TESMIN: variants seen among roughly 807,000 people sequenced by gnomAD.
The protein encoded by TESMIN is testis expressed metallothionein like protein, also known as CXC domain containing 2.
TESMIN carries 34 observed loss-of-function variants against 47.4 expected under a neutral mutation model. That is an observed-to-expected ratio of 0.72 (90% confidence interval 0.55 to 0.96). The LOEUF is 0.96. TESMIN is among the 40% of genes least tolerant of loss of function. The pLI is 0.00. For missense variants in TESMIN, 610 were observed against 637.2 expected, an observed-to-expected ratio of 0.96 and a Z score of 0.46; for synonymous variants, 278 against 258.9, an observed-to-expected ratio of 1.07 and a Z score of -0.71.
At position 68,716,928 on chromosome 11, in the gene TESMIN, G is replaced by A. The variant is rs76630891; in HGVS notation, c.918-989C>T. 2.7e-4 allele frequency among the ~76,000 whole-genome samples: 41 copies of A among 152,288 alleles called. No homozygotes were observed. In the East Asian group the frequency reaches 5.8e-3, roughly 22 times the overall value. ...GTTCATCGAAAAGAGCTTCCAACTC[G>A]TTTTCCACATCGGCTCTGCCGCCTT... is the stretch of plus-strand genomic sequence containing the variant. On this transcript the variant is annotated intron_variant, in intron 6 of 9. Coordinates refer to ENST00000255087, the MANE Select transcript of TESMIN (RefSeq NM_004923.3).
At chr11:68,717,160 A>G (rs1434570132) in intron 6 of TESMIN, among the ~76,000 whole-genome samples, 1 of 152,252 alleles carries the variant, frequency 6.6e-6, no homozygotes. Flanking sequence ...TTTCATAATT[A>G]TTATTTTCAT....
At chr11:68,751,049 G>A (rs1326920502) in intron 1 of TESMIN, among the ~76,000 whole-genome samples, 2 of 107,776 alleles carry the variant, frequency 1.9e-5, no homozygotes, top group African/African-American at 7.2e-5. Flanking sequence ...GGGGCGACCA[G>A]GGGAGGGGCG....
At chr11:68,734,429 G>T (rs2153991980) in intron 6 of TESMIN, among the ~76,000 whole-genome samples, 1 of 152,332 alleles carries the variant, frequency 6.6e-6, no homozygotes, top group East Asian at 1.9e-4. Context: ...TCACCAAGGA[G>T]CTCAGAACAT....
intron 5 of TESMIN, 38 bp from the exon 6 acceptor site, chr11:68,738,826 A>C (rs1452259676): frequency 6.4e-6 from 10 of 1,563,852 alleles, no homozygotes; most frequent in Non-Finnish European, 8.8e-6. Flanking sequence ...TTGAATTAGC[A>C]AGGATTTTTA....
intron 5 of TESMIN, 52 bp downstream of exon 5, chr11:68,742,266 T>G: frequency 8.9e-7 from 1 of 1,120,618 alleles, no homozygotes; most frequent in African/African-American, 1.6e-5. Flanking sequence ...AATCAAAATT[T>G]TAAGAGACAA....
intron 5 of TESMIN, among the ~76,000 whole-genome samples, chr11:68,739,737 G>T (rs372833300): frequency 7.9e-5 from 12 of 152,100 alleles, no homozygotes; most frequent in East Asian, 7.7e-4. Context: ...TTCTTCCCGG[G>T]AAACCCCTTC....
chr11:68,750,310 C>T lies in TESMIN; in HGVS notation c.351G>A (p.Pro117=). 6.6e-7 allele frequency: 1 copy of T among 1,524,030 alleles called. No individual in the cohort carries two copies. Among genetic ancestry groups the T allele is most frequent in the South Asian group, 1.3e-5 (1 of 79,312 alleles). The allele number at this position is 1,524,030 out of a possible 1,614,324, so 94.4% of individuals were successfully genotyped here. ...EDVALLQAPQ[P]PACNVHFLSS... ...ACAGGAAGTGCACGTTGCAGGCGGG[C>T]GGCTGCGGGGCCTGCAGGAGCGCGA... Residue 117 remains proline, a synonymous_variant, in exon 2 of 10, where the codon CCG becomes CCA. Coordinates refer to ENST00000255087, the MANE Select transcript of TESMIN (RefSeq NM_004923.3).
At chr11:68,729,280 C>T (rs1289500498) in intron 6 of TESMIN, among the ~76,000 whole-genome samples, 5 of 152,038 alleles carry the variant, frequency 3.3e-5, no homozygotes, top group African/African-American at 1.2e-4. Flanking sequence ...AATCCCAGTA[C>T]TTTGGGAGGC....
At chr11:68,738,678 A>G in intron 6 of TESMIN, 22 bp downstream of exon 6, 3 of 1,613,320 alleles carry the variant, frequency 1.9e-6, no homozygotes, top group East Asian at 2.2e-5. Flanking sequence ...TAGAGTGACA[A>G]TGTATTGCTT....
At chr11:68,748,463 A>G (rs1946548836) in intron 2 of TESMIN, among the ~76,000 whole-genome samples, 1 of 152,240 alleles carries the variant, frequency 6.6e-6, no homozygotes, top group African/African-American at 2.4e-5. Context: ...TTTAGATTTA[A>G]CTTATCTCCC....
At position 68,715,926 on chromosome 11, in the gene TESMIN, A is replaced by G. The variant is rs1946132868; in HGVS notation, c.931T>C (p.Phe311Leu). 4 of 1,610,150 alleles carry G rather than the reference A, an allele frequency of 2.5e-6. No individual in the cohort carries two copies. In the African/African-American group the frequency reaches 4.0e-5, roughly 16 times the overall value. Residue 311 changes from phenylalanine (F) to leucine (L), a missense_variant, in exon 7 of 10, where the codon TTT (phenylalanine) becomes CTT (leucine). Coordinates refer to ENST00000255087, the MANE Select transcript of TESMIN (RefSeq NM_004923.3). Reference protein sequence around the residue: ...KITLAGYCDCFASGDFCNNCN... With the variant: ...KITLAGYCDCLASGDFCNNCN... ...TTGTTGCAAAAGTCCCCACTGGCAA[A>G]GCAGTCACAGTACCTGTGAAGGAAA...
At chr11:68,710,785 A>G in intron 9 of TESMIN, 89 bp downstream of exon 9, 2 of 1,301,342 alleles carry the variant, frequency 1.5e-6, no homozygotes, top group South Asian at 3.0e-5. Flanking sequence ...AGGCTCACAC[A>G]TTCTTTCCAG....
At chr11:68,719,664 G>C (rs1243532461) in intron 6 of TESMIN, among the ~76,000 whole-genome samples, 7 of 152,220 alleles carry the variant, frequency 4.6e-5, no homozygotes, top group African/African-American at 1.7e-4. Context: ...GTTTTGTCAT[G>C]AGCCTGGTAC....
chr11:68,715,829 T>C lies in TESMIN; in HGVS notation c.1020+8A>G. On this transcript the variant is annotated splice_region_variant and intron_variant, in intron 7 of 9. Transcript: ENST00000255087. Reference sequence around the variant, plus strand: ...TTAAAATGCATACATTTAATGGACATTTATTACCTTAATGGCTTTAAACCG... The same window carrying C: ...TTAAAATGCATACATTTAATGGACACTTATTACCTTAATGGCTTTAAACCG... 1 of 1,551,038 alleles carries C rather than the reference T, an allele frequency of 6.4e-7. No homozygotes were observed. Among genetic ancestry groups the C allele is most frequent in the Non-Finnish European group, 8.9e-7 (1 of 1,123,470 alleles).
intron 6 of TESMIN, among the ~76,000 whole-genome samples, chr11:68,724,627 C>T (rs1946240534): frequency 6.6e-6 from 1 of 152,248 alleles, no homozygotes; most frequent in Middle Eastern, 3.4e-3. Flanking sequence ...GTGCACTTGC[C>T]CTCCTGTTTT....
chr11:68,748,822 G>T (rs1286165294), intron 2 of TESMIN, among the ~76,000 whole-genome samples: 1 of 152,130 alleles, frequency 6.6e-6, no homozygotes, highest in Non-Finnish European at 1.5e-5. Flanking sequence ...TAACATCAGA[G>T]AATTCTCTTG....
Position 68,747,280 on chromosome 11 carries a change from A to G in TESMIN, c.558T>C (p.Cys186=). The change falls in exon 3 of 10, where the codon TGT becomes TGC. Residue 186 remains cysteine (C), a synonymous_variant. Coordinates refer to ENST00000255087, the MANE Select transcript of TESMIN (RefSeq NM_004923.3). Reference sequence around the variant, plus strand: ...GTTCCTGGGACGATGGGAACTTGCAACAGGATTCCTGAGCAAGAAGATTCT... The same window carrying G: ...GTTCCTGGGACGATGGGAACTTGCAGCAGGATTCCTGAGCAAGAAGATTCT... ...TLQNLLAQES[C]CKFPSSQELE... 6.2e-7 allele frequency: 1 copy of G among 1,614,004 alleles called. No homozygotes were observed. Among genetic ancestry groups the G allele is most frequent in the Non-Finnish European group, 8.5e-7 (1 of 1,179,838 alleles).
At position 68,747,229 on chromosome 11, in the gene TESMIN, A is replaced by T. The variant is rs766817117; in HGVS notation, c.609T>A (p.Leu203=). 6.2e-7 allele frequency: 1 copy of T among 1,614,144 alleles called. No homozygotes were observed. The highest frequency in any genetic ancestry group is 1.7e-5 in the Admixed American group (1 of 60,026). The change falls in exon 3 of 10, where the codon CTT becomes CTA. Residue 203 remains leucine, a synonymous_variant. Coordinates refer to ENST00000255087, the MANE Select transcript of TESMIN (RefSeq NM_004923.3). ...TTACCATTGGGTTGGAATCTTTCTT[A>T]AGAGAACAGCAGGAGGCATCCTCTA... is the stretch of plus-strand genomic sequence containing the variant. ...QELEDASCCS[L]KKDSNPMVIC...
intron 5 of TESMIN, among the ~76,000 whole-genome samples, chr11:68,741,524 T>C (rs1397306172): frequency 1.3e-5 from 2 of 152,208 alleles, no homozygotes; most frequent in Non-Finnish European, 1.5e-5. Flanking sequence ...GATTTGCTAA[T>C]TGTCTATCTC....
Sources: allele counts gnomAD v4.1 joint callset (sites outside exome capture counted in the v4.1 genomes callset), GRCh38; gene constraint gnomAD v4.1.1; transcripts MANE v1.5; gene names NCBI Gene and HGNC (gene_info 2026-07-23, HGNC 2026-07-21).